RNF180: variants seen among roughly 807,000 people sequenced by gnomAD.
RNF180 encodes E3 ubiquitin-protein ligase RNF180.
A neutral mutation model predicts 59.2 loss-of-function variants in RNF180; 38 were observed. That is an observed-to-expected ratio of 0.64 (90% CI 0.50 to 0.84). The LOEUF (loss-of-function observed/expected upper bound fraction) is 0.84, where lower values mean the gene tolerates loss of function less well. Among genes scored for constraint, RNF180 ranks in the 40% least tolerant of loss-of-function variants. The probability of loss-of-function intolerance (pLI) is 0.00; values close to 1 mark genes in which losing one functional copy is unlikely to be tolerated. For synonymous variants in RNF180, 262 were observed against 240.3 expected (o/e 1.09, Z -0.84); for missense variants, 705 against 700.9 (o/e 1.01, Z -0.07).
At chr5:64,330,250 C>T (rs200377317) in intron 6 of RNF180, 31 bp from the exon 7 acceptor site, 33 of 1,367,950 alleles carry the variant, frequency 2.4e-5, no homozygotes, top group Non-Finnish European at 3.2e-5. Flanking sequence ...AAATTAATTT[C>T]AAAATCCTAT....
At chr5:64,289,827 C>CA (rs1220860117) in intron 5 of RNF180, among the ~76,000 whole-genome samples, 1 of 151,810 alleles carries the variant, frequency 6.6e-6, no homozygotes, top group Admixed American at 6.6e-5. Flanking sequence ...TTAATTTTCT[C>CA]AAAAAACCAT....
At chr5:64,173,655 C>T (rs1305163422) in intron 1 of RNF180, among the ~76,000 whole-genome samples, 4 of 152,154 alleles carry the variant, frequency 2.6e-5, no homozygotes, top group Non-Finnish European at 5.9e-5. Context: ...TTCCCTCTCT[C>T]CCCTTTTCTA....
chr5:64,225,716 T>C, intron 5 of RNF180, among the ~76,000 whole-genome samples: 2 of 133,734 alleles, frequency 1.5e-5, no homozygotes, highest in Non-Finnish European at 1.6e-5. Flanking sequence ...GGCCGCCCCG[T>C]CTGGGAAGTG....
chr5:64,188,417 A>G (rs563691844), intron 1 of RNF180, among the ~76,000 whole-genome samples: 2 of 152,244 alleles, frequency 1.3e-5, no homozygotes, highest in East Asian at 3.9e-4. Flanking sequence ...AAAAAAAAGT[A>G]CATATTTTTA....
chr5:64,177,914 G>C (rs1274105204), intron 1 of RNF180, among the ~76,000 whole-genome samples: 1 of 152,000 alleles, frequency 6.6e-6, no homozygotes. Flanking sequence ...ATGTAGAAAA[G>C]GCTGCCTGGG....
intron 7 of RNF180, among the ~76,000 whole-genome samples, chr5:64,333,796 T>A (rs1745013580): frequency 6.6e-6 from 1 of 152,204 alleles, no homozygotes; most frequent in Non-Finnish European, 1.5e-5. Flanking sequence ...AGTGTGTGTT[T>A]ATGAAGGAGG....
At chr5:64,234,835 A>G (rs1742333267) in intron 5 of RNF180, among the ~76,000 whole-genome samples, 1 of 151,600 alleles carries the variant, frequency 6.6e-6, no homozygotes, top group African/African-American at 2.4e-5. Flanking sequence ...TCCTGACCTC[A>G]TGATCCACCC....
chr5:64,206,570 G>A (rs751912228), intron 2 of RNF180, among the ~76,000 whole-genome samples: 6 of 151,954 alleles, frequency 3.9e-5, no homozygotes, highest in African/African-American at 1.5e-4. Flanking sequence ...CTTTGTGTTC[G>A]CTCTTCTTAG....
At position 64,230,950 on chromosome 5, in the gene RNF180, A is replaced by G. The variant is rs187801262; in HGVS notation, c.1227+13554A>G. Among the ~76,000 whole-genome samples, 168 of 152,344 alleles carry G rather than the reference A, an allele frequency of 1.1e-3. 1 individual carries two copies. The highest frequency in any genetic ancestry group is 1.8e-3 in the Non-Finnish European group (120 of 68,036). On this transcript the variant is annotated intron_variant, in intron 5 of 7. Transcript: ENST00000389100. Reference sequence around the variant, plus strand: ...TCCACCATTAGTATCATAATTTGACATAAATGATCAGATTGGTCCATTGGG... The same window carrying G: ...TCCACCATTAGTATCATAATTTGACGTAAATGATCAGATTGGTCCATTGGG...
intron 5 of RNF180, among the ~76,000 whole-genome samples, chr5:64,273,775 G>A (rs1207411544): frequency 6.6e-6 from 1 of 151,870 alleles, no homozygotes; most frequent in East Asian, 1.9e-4. Context: ...ACAAGACTAA[G>A]AAAATTTTAT....
chr5:64,175,175 C>G (rs998488469), intron 1 of RNF180, among the ~76,000 whole-genome samples: 1 of 152,156 alleles, frequency 6.6e-6, no homozygotes, highest in African/African-American at 2.4e-5. Context: ...CCATGTTGGT[C>G]AGGCTGGTCT....
chr5:64,254,645 A>G (rs1472414079), intron 5 of RNF180, among the ~76,000 whole-genome samples: 1 of 152,170 alleles, frequency 6.6e-6, no homozygotes, highest in African/African-American at 2.4e-5. Context: ...GTCTCTTAAG[A>G]TTATCCATTC....
At chr5:64,349,629 T>G (rs1745707833) in intron 7 of RNF180, among the ~76,000 whole-genome samples, 1 of 151,878 alleles carries the variant, frequency 6.6e-6, no homozygotes, top group African/African-American at 2.4e-5. Flanking sequence ...GATGTTCCCC[T>G]TCCTGTGTCC....
chr5:64,202,351 A>G (rs1265232826), intron 2 of RNF180, among the ~76,000 whole-genome samples: 3 of 152,148 alleles, frequency 2.0e-5, no homozygotes, highest in African/African-American at 7.2e-5. Context: ...CTCCTGAGCT[A>G]TGTGCCATTT....
chr5:64,295,477 G>A (rs1742837020), intron 5 of RNF180, among the ~76,000 whole-genome samples: 1 of 152,172 alleles, frequency 6.6e-6, no homozygotes, highest in Non-Finnish European at 1.5e-5. Context: ...TCAGTGGTCT[G>A]TAGCTCATAA....
In RNF180 at chr5:64,372,238, A is replaced by AT; in HGVS notation, c.*2430dup. On this transcript the variant is annotated 3_prime_UTR_variant, in exon 8 of 8. Coordinates refer to ENST00000389100, the MANE Select transcript of RNF180 (RefSeq NM_001113561.2). ...TATTTCTGAATAGTTTCAGCAGGTT[A>AT]TTTTTTAATTTTAAAAAAGCAAATT... 1 of 151,756 alleles carries AT rather than the reference A, an allele frequency of 6.6e-6. No homozygotes were observed. The highest frequency in any genetic ancestry group is 1.9e-4 in the East Asian group (1 of 5,170). 9.4% of individuals were successfully genotyped at this position (151,756 alleles called of 1,614,324 possible). A position where few individuals can be genotyped will look rare whatever the true frequency, so the allele number is the denominator to read the frequency against.
chr5:64,360,115 C>T (rs187955537), intron 7 of RNF180, among the ~76,000 whole-genome samples: 3 of 151,862 alleles, frequency 2.0e-5, no homozygotes, highest in Non-Finnish European at 2.9e-5. Context: ...CTTGGTTATG[C>T]GGGCTCTTTT....
chr5:64,234,586 T>TC, intron 5 of RNF180, among the ~76,000 whole-genome samples: 2 of 32,918 alleles, frequency 6.1e-5, no homozygotes, highest in Non-Finnish European at 1.1e-4. Flanking sequence ...TTCTTTTTTT[T>TC]TTTTTTTTTT....
At position 64,369,704 on chromosome 5, in the gene RNF180, C is replaced by T. The variant is rs1484449911; in HGVS notation, c.1669C>T (p.Arg557Cys). The part of the protein sequence containing the change: ...MDYLHFEDDS[R>C]GWWFDMDMVI... ...TTACCTGCACTTTGAGGATGATAGCCGTGGATGGTGGTTTGACATGGATAT... is the reference window on the plus strand; with the variant it reads ...TTACCTGCACTTTGAGGATGATAGCTGTGGATGGTGGTTTGACATGGATAT... The change falls in exon 8 of 8, where the codon CGT becomes TGT. Residue 557 changes from arginine to cysteine, a missense_variant. Coordinates refer to ENST00000389100, the MANE Select transcript of RNF180 (RefSeq NM_001113561.2). The T allele has an allele frequency of 2.1e-5, 33 of 1,547,708 alleles. No homozygotes were observed. The highest frequency in any genetic ancestry group is 2.5e-5 in the Non-Finnish European group (29 of 1,144,890).
Sources: gnomAD v4.1 joint callset for allele counts (sites outside exome capture counted in the v4.1 genomes callset) on GRCh38, gnomAD v4.1.1 for gene constraint, MANE v1.5 for transcripts, NCBI Gene and HGNC (gene_info 2026-07-23, HGNC 2026-07-21) for gene names.